MAML3: variants seen among roughly 807,000 people sequenced by gnomAD.
The protein encoded by MAML3 is mastermind-like protein 3.
A neutral mutation model predicts 101.9 loss-of-function variants in MAML3; 27 were observed. That is an observed-to-expected ratio of 0.27 (90% CI 0.20 to 0.37). The LOEUF is 0.37. MAML3 is among the 10% of genes least tolerant of loss of function. MAML3 has a pLI of 1.00. For missense variants in MAML3, 1,316 were observed against 1,444.9 expected (o/e 0.91, Z 1.45); for synonymous variants, 501 against 555.9 (o/e 0.90, Z 1.39).
At chr4:140,067,943 C>G (rs1371380735) in intron 1 of MAML3, among the ~76,000 whole-genome samples, 1 of 152,170 alleles carries the variant, frequency 6.6e-6, no homozygotes, top group Non-Finnish European at 1.5e-5. Flanking sequence ...ACTGCCCAGA[C>G]TGGTCTCGAA....
intron 2 of MAML3, among the ~76,000 whole-genome samples, chr4:139,797,553 A>G (rs1469175862): frequency 6.6e-6 from 1 of 152,178 alleles, no homozygotes; most frequent in Non-Finnish European, 1.5e-5. Flanking sequence ...ATTCATAGCA[A>G]GGACACAGAG....
At chr4:140,147,113 CAG>C (rs927629924) in intron 1 of MAML3, among the ~76,000 whole-genome samples, 1 of 117,660 alleles carries the variant, frequency 8.5e-6, no homozygotes, top group African/African-American at 3.3e-5. Flanking sequence ...AGCCTGACGG[CAG>C]AGTGAGACTC....
chr4:140,009,051 C>T (rs1190404854), intron 1 of MAML3, among the ~76,000 whole-genome samples: 5 of 152,164 alleles, frequency 3.3e-5, no homozygotes, highest in African/African-American at 1.2e-4. Context: ...AGTTAATTTC[C>T]GTGACTTTGA....
chr4:139,777,318 C>T (rs1280036274), intron 2 of MAML3, among the ~76,000 whole-genome samples: 1 of 152,174 alleles, frequency 6.6e-6, no homozygotes, highest in East Asian at 1.9e-4. Context: ...GTAAACATTT[C>T]AAGAAATCAT....
At chr4:139,789,784 T>C (rs1730369928) in intron 2 of MAML3, among the ~76,000 whole-genome samples, 1 of 152,120 alleles carries the variant, frequency 6.6e-6, no homozygotes, top group Non-Finnish European at 1.5e-5. Flanking sequence ...GTTTGTTTGT[T>C]TTTGTTTTTC....
At chr4:139,860,301 G>A (rs969894816) in intron 2 of MAML3, among the ~76,000 whole-genome samples, 1 of 152,318 alleles carries the variant, frequency 6.6e-6, no homozygotes, top group African/African-American at 2.4e-5. Flanking sequence ...ATAGTCCCCT[G>A]GGTTCCCAGA....
At chr4:139,916,468 T>C (rs1578595556) in intron 1 of MAML3, among the ~76,000 whole-genome samples, 2 of 152,300 alleles carry the variant, frequency 1.3e-5, no homozygotes, top group African/African-American at 4.8e-5. Flanking sequence ...TGTGGGGTCA[T>C]GGTAATGGCT....
intron 2 of MAML3, among the ~76,000 whole-genome samples, chr4:139,827,981 T>A (rs1402860934): frequency 6.6e-6 from 1 of 152,208 alleles, no homozygotes; most frequent in Non-Finnish European, 1.5e-5. Context: ...AACTGAAGAA[T>A]CCAGCATCAT....
chr4:139,830,634 T>C (rs1731147474), intron 2 of MAML3, among the ~76,000 whole-genome samples: 1 of 152,132 alleles, frequency 6.6e-6, no homozygotes, highest in East Asian at 1.9e-4. Context: ...CAGGATGATG[T>C]CGATCTCCTG....
chr4:139,990,173 T>C (rs1029340531), intron 1 of MAML3, among the ~76,000 whole-genome samples: 6 of 152,198 alleles, frequency 3.9e-5, no homozygotes, highest in African/African-American at 1.4e-4. Context: ...TCTTTACATT[T>C]ACTTGAGAGG....
intron 2 of MAML3, among the ~76,000 whole-genome samples, chr4:139,775,425 C>T (rs1578595147): frequency 6.6e-6 from 1 of 152,130 alleles, no homozygotes; most frequent in East Asian, 1.9e-4. Flanking sequence ...TGCTGGGACA[C>T]ATTAGCTGGC....
chr4:139,908,887 C>T (rs150768016), intron 1 of MAML3, among the ~76,000 whole-genome samples: 15 of 152,292 alleles, frequency 9.8e-5, no homozygotes, highest in Non-Finnish European at 2.1e-4. Context: ...TGATTTCTTG[C>T]AGCTGTAACT....
rs753229535 is a variant in MAML3, at chr4:139,992,140, G to C, written c.469-101173C>G. Among the ~76,000 whole-genome samples the C allele has an allele frequency of 1.4e-4, 22 of 152,116 alleles. 1 individual carries two copies. Among genetic ancestry groups the C allele is most frequent in the Non-Finnish European group, 2.9e-4 (20 of 68,028 alleles). ...TTTTGTATCTGGATTCTTTTAACTAGCATAATTTTGGGGGGTATCCATCTT... is the reference window on the plus strand; with the variant it reads ...TTTTGTATCTGGATTCTTTTAACTACCATAATTTTGGGGGGTATCCATCTT... On this transcript the variant is annotated intron_variant, in intron 1 of 4. Coordinates refer to ENST00000509479, the MANE Select transcript of MAML3 (RefSeq NM_018717.5).
chr4:139,833,568 T>C (rs192198893), intron 2 of MAML3, among the ~76,000 whole-genome samples: 3 of 152,094 alleles, frequency 2.0e-5, no homozygotes, highest in Non-Finnish European at 4.4e-5. Flanking sequence ...TCTGGCAAGA[T>C]CATCACAACC....
At chr4:139,995,583 T>A (rs1232113289) in intron 1 of MAML3, among the ~76,000 whole-genome samples, 1 of 152,156 alleles carries the variant, frequency 6.6e-6, no homozygotes, top group African/African-American at 2.4e-5. Flanking sequence ...CTTTTAGGAA[T>A]TTGTCTGTGA....
At chr4:139,725,213 T>C (rs1422005199) in intron 4 of MAML3, among the ~76,000 whole-genome samples, 3 of 152,168 alleles carry the variant, frequency 2.0e-5, no homozygotes, top group Non-Finnish European at 4.4e-5. Context: ...TCAATCAGCC[T>C]CAAGGCCCTA....
Position 139,735,513 on chromosome 4 carries a change from C to A in MAML3, c.2080-4846G>T, listed in dbSNP as rs1728901744. 6.6e-6 allele frequency among the ~76,000 whole-genome samples: 1 copy of A among 151,784 alleles called. No homozygotes were observed. Among genetic ancestry groups the A allele is most frequent in the Non-Finnish European group, 1.5e-5 (1 of 67,932 alleles). ...ACACCAGACCCCAGGGCCGACAGCC[C>A]GGGAGGGACCGGGTTCCAGGACCCC... On this transcript the variant is annotated intron_variant, in intron 2 of 4. Coordinates refer to ENST00000509479, the MANE Select transcript of MAML3 (RefSeq NM_018717.5). This position sits in a 1 kb window ranked among gnomAD's most constrained non-coding sequence, Gnocchi z 5.8.
intron 1 of MAML3, among the ~76,000 whole-genome samples, chr4:140,007,575 TATC>T (rs1726472590): frequency 6.6e-6 from 1 of 152,246 alleles, no homozygotes; most frequent in Non-Finnish European, 1.5e-5. Flanking sequence ...AAGGTTTCTG[TATC>T]TGTTTCTTTT....
intron 2 of MAML3, among the ~76,000 whole-genome samples, chr4:139,827,373 T>G (rs753067402): frequency 3.9e-5 from 6 of 152,270 alleles, no homozygotes; most frequent in Non-Finnish European, 8.8e-5. Context: ...GAAAAGGAGC[T>G]GTGGACTGGG....
Sources: allele counts gnomAD v4.1 joint callset (sites outside exome capture counted in the v4.1 genomes callset), GRCh38; gene constraint gnomAD v4.1.1; non-coding constraint Gnocchi (gnomAD v3.1); transcripts MANE v1.5; gene names NCBI Gene and HGNC (gene_info 2026-07-23, HGNC 2026-07-21).